METAP1: variants seen among roughly 807,000 people sequenced by gnomAD.
METAP1 encodes the protein methionine aminopeptidase 1.
A neutral mutation model predicts 53.8 loss-of-function variants in METAP1; 28 were observed. That is an observed-to-expected ratio of 0.52 (90% confidence interval 0.39 to 0.71). The LOEUF is 0.71. Among genes scored for constraint, METAP1 ranks in the 30% least tolerant of loss-of-function variants. The pLI is 0.00. For missense variants in METAP1, 389 were observed against 479.8 expected (o/e 0.81, Z 1.77); for synonymous variants, 181 against 165.7 (o/e 1.09, Z -0.71).
intron 1 of METAP1, among the ~76,000 whole-genome samples, chr4:99,011,292 G>A (rs1291233104): frequency 6.6e-6 from 1 of 152,060 alleles, no homozygotes; most frequent in Admixed American, 6.6e-5. Flanking sequence ...TTAGTTATGG[G>A]CGTCTTATAT....
intron 1 of METAP1, chr4:99,005,733 G>T (rs1186922624): frequency 4.9e-6 from 2 of 409,178 alleles, no homozygotes; most frequent in South Asian, 1.8e-5. Context: ...ATACTCCCCA[G>T]CCATTAAAAA....
In METAP1 at chr4:99,041,060, G is replaced by A; in HGVS notation, c.450G>A (p.Leu150=). The change falls in exon 6 of 11, where the codon TTG becomes TTA. Residue 150 remains leucine, a synonymous_variant. Coordinates refer to ENST00000296411, the MANE Select transcript of METAP1 (RefSeq NM_015143.3). ...RLVCRLAREV[L]DVAAGMIKPG... Reference sequence around the variant, plus strand: ...TTTTACAGCTTGCTAGAGAAGTTTTGGATGTTGCTGCCGGCATGATTAAAC... The same window carrying A: ...TTTTACAGCTTGCTAGAGAAGTTTTAGATGTTGCTGCCGGCATGATTAAAC... 1.2e-6 allele frequency: 2 copies of A among 1,608,352 alleles called. No homozygotes were observed. Among genetic ancestry groups the A allele is most frequent in the Non-Finnish European group, 1.7e-6 (2 of 1,176,536 alleles).
chr4:98,998,448 G>A (rs2110269188), intron 1 of METAP1, among the ~76,000 whole-genome samples: 1 of 152,300 alleles, frequency 6.6e-6, no homozygotes, highest in African/African-American at 2.4e-5. Context: ...ACTTGAACCT[G>A]GGTGGTGGAG....
At chr4:99,019,530 C>A (rs766486953) in intron 1 of METAP1, among the ~76,000 whole-genome samples, 6 of 152,160 alleles carry the variant, frequency 3.9e-5, no homozygotes, top group Non-Finnish European at 5.9e-5. Flanking sequence ...CATCTCCACC[C>A]TTTATGACAT....
At chr4:99,044,578 T>G (rs138419042) in intron 7 of METAP1, among the ~76,000 whole-genome samples, 172 of 152,214 alleles carry the variant, frequency 1.1e-3, no homozygotes, top group African/African-American at 3.9e-3. Flanking sequence ...TGTTACAGGT[T>G]GATTGAAATA....
chr4:99,004,502 CACACACACACAA>C (rs1560692005), intron 1 of METAP1, among the ~76,000 whole-genome samples: 4 of 83,750 alleles, frequency 4.8e-5, no homozygotes, highest in African/African-American at 1.4e-4. Flanking sequence ...CACACACACA[CACACACACACAA>C]AATAACACAG....
chr4:99,060,329 A>G (rs1264819176), intron 10 of METAP1, among the ~76,000 whole-genome samples: 1 of 140,938 alleles, frequency 7.1e-6, no homozygotes. Flanking sequence ...ACTGTACTCT[A>G]CCTCATAGAA....
At chr4:99,057,631 A>G (rs886312622) in intron 9 of METAP1, 122 bp from the exon 10 acceptor site, 3 of 706,176 alleles carry the variant, frequency 4.2e-6, no homozygotes, top group Non-Finnish European at 4.7e-6. Flanking sequence ...TAAGAAAGGG[A>G]ATCAGGGTAA....
chr4:99,015,561 C>T (rs562334590), intron 1 of METAP1, among the ~76,000 whole-genome samples: 1 of 152,268 alleles, frequency 6.6e-6, no homozygotes, highest in East Asian at 1.9e-4. Context: ...TGTAGAGGTC[C>T]AGCCTCTGTA....
chr4:99,000,962 T>C (rs1369131049), intron 1 of METAP1, among the ~76,000 whole-genome samples: 1 of 152,128 alleles, frequency 6.6e-6, no homozygotes, highest in East Asian at 1.9e-4. Flanking sequence ...CCTCCCAAAG[T>C]GTTGTCTATA....
At chr4:99,048,989 AATAG>A (rs979566646) in intron 9 of METAP1, 113 bp downstream of exon 9, 3 of 1,258,982 alleles carry the variant, frequency 2.4e-6, no homozygotes, top group African/African-American at 1.5e-5. Context: ...TCTTAGCTGT[AATAG>A]ATAGATTCCC....
chr4:99,015,364 G>A (rs1473553756), intron 1 of METAP1, among the ~76,000 whole-genome samples: 1 of 152,156 alleles, frequency 6.6e-6, no homozygotes, highest in Non-Finnish European at 1.5e-5. Flanking sequence ...GGGAGAAGGC[G>A]TATTTCAAAC....
At chr4:99,008,004 T>G (rs1723263506) in intron 1 of METAP1, among the ~76,000 whole-genome samples, 1 of 152,186 alleles carries the variant, frequency 6.6e-6, no homozygotes, top group Admixed American at 6.5e-5. Context: ...AGTGACATCT[T>G]CAAGGAATAT....
chr4:99,016,393 C>CT (rs1723768595), intron 1 of METAP1, among the ~76,000 whole-genome samples: 2 of 152,146 alleles, frequency 1.3e-5, no homozygotes. Flanking sequence ...CTGATTCATT[C>CT]TTTCTACTCT....
chr4:99,033,598 T>C (rs1725213986), intron 2 of METAP1, among the ~76,000 whole-genome samples: 1 of 152,244 alleles, frequency 6.6e-6, no homozygotes, highest in Non-Finnish European at 1.5e-5. Flanking sequence ...ATTTTTCTGC[T>C]GAACTTTAAA....
chr4:99,022,797 G>C, intron 1 of METAP1: 1 of 1,597,556 alleles, frequency 6.3e-7, no homozygotes, highest in Non-Finnish European at 8.5e-7. Context: ...CGCTTGTCAC[G>C]GAACTCCACC....
chr4:99,021,063 T>C (rs1246690089), intron 1 of METAP1, among the ~76,000 whole-genome samples: 1 of 152,184 alleles, frequency 6.6e-6, no homozygotes, highest in African/African-American at 2.4e-5. Context: ...TCTGCTCAAA[T>C]GTATTTACTC....
intron 1 of METAP1, chr4:99,026,799 G>A: frequency 2.0e-6 from 2 of 985,384 alleles, no homozygotes; most frequent in Non-Finnish European, 1.2e-6. Flanking sequence ...CATTAATGAT[G>A]TTGAAGACCA....
rs909752196 is a variant in METAP1, at chr4:99,022,724, G to A, written c.115-6143G>A. 7 of 1,547,054 alleles carry A rather than the reference G, an allele frequency of 4.5e-6. No individual in the cohort carries two copies. The Admixed American group carries it at 1.0e-4, about 23-fold the overall frequency. On this transcript the variant is annotated intron_variant, in intron 1 of 10. Coordinates refer to ENST00000296411, the MANE Select transcript of METAP1 (RefSeq NM_015143.3). ...GAGATTCCATAGGTCATAATGGGAGGGGCTGCACCTGTGGGTACCCATAGG... is the reference window on the plus strand; with the variant it reads ...GAGATTCCATAGGTCATAATGGGAGAGGCTGCACCTGTGGGTACCCATAGG...
Sources: gnomAD v4.1 joint callset for allele counts (sites outside exome capture counted in the v4.1 genomes callset) on GRCh38, gnomAD v4.1.1 for gene constraint, MANE v1.5 for transcripts, NCBI Gene and HGNC (gene_info 2026-07-23, HGNC 2026-07-21) for gene names.